Variants in PRKCA observed in about 807,000 individuals in gnomAD.
PRKCA encodes protein kinase C alpha type.
PRKCA carries 27 observed loss-of-function variants against 87.0 expected under a neutral mutation model. The ratio of observed to expected loss-of-function variants is 0.31; its 90% CI spans 0.23 to 0.43. PRKCA has a LOEUF of 0.43. PRKCA is among the 20% of genes least tolerant of loss of function. The probability of loss-of-function intolerance (pLI) is 1.00; values close to 1 mark genes in which losing one functional copy is unlikely to be tolerated. For missense variants in PRKCA, 518 were observed against 852.3 expected, an observed-to-expected ratio of 0.61 and a Z score of 4.88; for synonymous variants, 329 against 311.1, an observed-to-expected ratio of 1.06 and a Z score of -0.61.
rs978054354 is a variant in PRKCA at position 66,788,907 on chromosome 17, T to C, written c.1782T>C (p.His594=). The C allele has an allele frequency of 6.2e-7, 1 of 1,614,070 alleles. No homozygotes were observed. Among genetic ancestry groups the C allele is most frequent in the South Asian group, 1.1e-5 (1 of 91,068 alleles). The stretch of plus-strand genomic sequence containing the variant: ...AGGGGGAGAGGGACGTGAGAGAGCA[T>C]GCCTTCTTCCGGAGGATCGACTGGG... ...GPEGERDVRE[H]AFFRRIDWEK... The change falls in exon 16 of 17, where the codon CAT becomes CAC. Residue 594 remains histidine, a synonymous_variant. Coordinates refer to ENST00000413366, the MANE Select transcript of PRKCA (RefSeq NM_002737.3).
intron 2 of PRKCA, among the ~76,000 whole-genome samples, chr17:66,353,671 G>A (rs1180887305): frequency 2.0e-5 from 3 of 152,144 alleles, no homozygotes; most frequent in Non-Finnish European, 4.4e-5. Context: ...AGCCAAGATC[G>A]GGCCATTGCA....
At chr17:66,712,869 T>C (rs1973366539) in intron 8 of PRKCA, among the ~76,000 whole-genome samples, 1 of 152,190 alleles carries the variant, frequency 6.6e-6, no homozygotes, top group Middle Eastern at 3.2e-3. Flanking sequence ...TGAGTAAGTA[T>C]GGAAGGTGCC....
At chr17:66,573,352 A>G (rs1218010745) in intron 3 of PRKCA, among the ~76,000 whole-genome samples, 1 of 152,202 alleles carries the variant, frequency 6.6e-6, no homozygotes, top group Non-Finnish European at 1.5e-5. Flanking sequence ...AGCAACAGAT[A>G]GAGGCCAACT....
chr17:66,344,864 C>T (rs1459581856), intron 2 of PRKCA, among the ~76,000 whole-genome samples: 1 of 152,200 alleles, frequency 6.6e-6, no homozygotes, highest in Non-Finnish European at 1.5e-5. Flanking sequence ...CTCCTGGGTT[C>T]GAGTGATTCT....
chr17:66,648,470 C>T (rs1971508594), intron 5 of PRKCA, among the ~76,000 whole-genome samples: 2 of 152,158 alleles, frequency 1.3e-5, no homozygotes, highest in South Asian at 4.1e-4. Context: ...AAGTGACTCA[C>T]CCAGAGTCAC....
chr17:66,710,626 G>A (rs981569207), intron 8 of PRKCA, among the ~76,000 whole-genome samples: 1 of 151,946 alleles, frequency 6.6e-6, no homozygotes, highest in Non-Finnish European at 1.5e-5. Flanking sequence ...TTGTGTCTTA[G>A]TCTGTGTGCT....
At chr17:66,572,432 A>T (rs1037053844) in intron 3 of PRKCA, among the ~76,000 whole-genome samples, 4 of 152,150 alleles carry the variant, frequency 2.6e-5, no homozygotes, top group Non-Finnish European at 5.9e-5. Context: ...GCACCATGAC[A>T]CTCCAGTCTG....
rs371621284 is a variant in PRKCA at position 66,738,957 on chromosome 17, C to T, written c.1322+102C>T. On this transcript the variant is annotated intron_variant, in intron 11 of 16. Coordinates refer to ENST00000413366, the MANE Select transcript of PRKCA (RefSeq NM_002737.3). ...CTTGAGATTGGGGGTCTCACTCTGT[C>T]ACTCAGGCTTTGCCTCCCAGGCTCG... is the stretch of plus-strand genomic sequence containing the variant. 439 of 910,428 alleles carry T rather than the reference C, an allele frequency of 4.8e-4. 2 individuals are homozygous for T. In the African/African-American group the frequency reaches 6.6e-3, roughly 14 times the overall value. 56.4% of individuals were successfully genotyped at this position (910,428 alleles called of 1,614,324 possible). A position where few individuals can be genotyped will look rare whatever the true frequency, so the allele number is the denominator to read the frequency against.
chr17:66,417,689 C>T (rs1912236155), intron 2 of PRKCA, among the ~76,000 whole-genome samples: 1 of 152,114 alleles, frequency 6.6e-6, no homozygotes, highest in Admixed American at 6.5e-5. Flanking sequence ...TTGCCCATTG[C>T]CCAGGCTCAC....
intron 2 of PRKCA, among the ~76,000 whole-genome samples, chr17:66,381,059 C>G (rs1909750819): frequency 6.6e-6 from 1 of 151,766 alleles, no homozygotes; most frequent in Non-Finnish European, 1.5e-5. Context: ...CTTGCTTCAG[C>G]CTCCAGAATA....
intron 8 of PRKCA, among the ~76,000 whole-genome samples, chr17:66,715,199 A>G (rs558929316): frequency 6.6e-6 from 1 of 151,290 alleles, no homozygotes; most frequent in South Asian, 2.1e-4. Context: ...CTGCACAGCC[A>G]TGGAGGGAAG....
chr17:66,765,427 T>C (rs1277124769), intron 13 of PRKCA, among the ~76,000 whole-genome samples: 5 of 126,368 alleles, frequency 4.0e-5, no homozygotes, highest in Admixed American at 7.8e-5. Context: ...TCTATATATA[T>C]ATATATATAT....
In PRKCA at chr17:66,792,740, G is replaced by T. The variant is rs1975571248; in HGVS notation, c.1854+3761G>T. ...GAGAACAGAAAGAGGAGAGTGACCA[G>T]CATCGAGTGTGTGGGACAGTGGCCA... On this transcript the variant is annotated intron_variant, in intron 16 of 16. Coordinates refer to ENST00000413366, the MANE Select transcript of PRKCA (RefSeq NM_002737.3). The surrounding 1 kb of genome is among the most constrained non-coding windows in gnomAD (Gnocchi z 4.5). 6.6e-6 allele frequency among the ~76,000 whole-genome samples: 1 copy of T among 152,360 alleles called. No individual in the cohort carries two copies. The highest frequency in any genetic ancestry group is 2.4e-5 in the African/African-American group (1 of 41,592).
intron 5 of PRKCA, among the ~76,000 whole-genome samples, chr17:66,661,922 C>T (rs1971915969): frequency 1.3e-5 from 2 of 152,214 alleles, no homozygotes; most frequent in East Asian, 1.9e-4. Flanking sequence ...GCTTTTTCTG[C>T]AGGCCACGTT....
At chr17:66,384,393 A>C (rs1909933388) in intron 2 of PRKCA, among the ~76,000 whole-genome samples, 1 of 152,240 alleles carries the variant, frequency 6.6e-6, no homozygotes, top group Non-Finnish European at 1.5e-5. Context: ...CATTAAAACC[A>C]GGGATTTTCT....
chr17:66,424,949 A>G (rs1307067325), intron 2 of PRKCA, among the ~76,000 whole-genome samples: 1 of 151,272 alleles, frequency 6.6e-6, no homozygotes, highest in African/African-American at 2.4e-5. Context: ...TTTAGTAGAG[A>G]TGGGGTTTTA....
At chr17:66,788,703 G>A in intron 15 of PRKCA, 136 bp from the exon 16 acceptor site, 2 of 1,024,186 alleles carry the variant, frequency 2.0e-6, no homozygotes, top group Non-Finnish European at 2.8e-6. Flanking sequence ...GCCACTGAGT[G>A]TCTTGGTCAG....
chr17:66,778,424 G>A (rs1375938592), intron 14 of PRKCA, among the ~76,000 whole-genome samples: 1 of 152,218 alleles, frequency 6.6e-6, no homozygotes, highest in Admixed American at 6.5e-5. Flanking sequence ...GCTGAGGCAG[G>A]AGAATGGCGT....
At chr17:66,589,820 T>A (rs1358413908) in intron 3 of PRKCA, among the ~76,000 whole-genome samples, 1 of 152,168 alleles carries the variant, frequency 6.6e-6, no homozygotes, top group Non-Finnish European at 1.5e-5. Flanking sequence ...ACTGGTTTCA[T>A]GGAAGACAAT....
Sources: gnomAD v4.1 joint callset for allele counts (sites outside exome capture counted in the v4.1 genomes callset) on GRCh38, gnomAD v4.1.1 for gene constraint, Gnocchi (gnomAD v3.1) non-coding constraint, MANE v1.5 for transcripts, NCBI Gene and HGNC (gene_info 2026-07-23, HGNC 2026-07-21) for gene names.